The following CRACR2A variants were observed in gnomAD, a reference collection of about 807,000 sequenced individuals.
The protein encoded by CRACR2A is EF-hand calcium-binding domain-containing protein 4B.
In CRACR2A, 79 loss-of-function variants were observed where a neutral mutation model predicts 90.5. The observed-to-expected ratio is 0.87, with a 90% CI of 0.73 to 1.05. The LOEUF (loss-of-function observed/expected upper bound fraction) is 1.05, where lower values mean the gene tolerates loss of function less well. Among genes scored for constraint, CRACR2A ranks in the 50% least tolerant of loss-of-function variants. The pLI, the probability that CRACR2A is intolerant of heterozygous loss-of-function variation, is 0.00. For missense variants in CRACR2A, 823 were observed against 897.2 expected (o/e 0.92, Z 1.06); for synonymous variants, 338 against 356.7 (o/e 0.95, Z 0.59).
At chr12:3,644,537 C>T (rs1944651277) in intron 12 of CRACR2A, 58 bp downstream of exon 12, 2 of 1,514,266 alleles carry the variant, frequency 1.3e-6, no homozygotes, top group Non-Finnish European at 1.8e-6. Context: ...ATGGATCTGG[C>T]TGTCCAGTGG....
chr12:3,624,693 C>T (rs1944222403), intron 17 of CRACR2A, among the ~76,000 whole-genome samples: 1 of 152,196 alleles, frequency 6.6e-6, no homozygotes, highest in Non-Finnish European at 1.5e-5. Context: ...GGGTCACAGG[C>T]ATCTTCGGAA....
chr12:3,648,395 A>G lies in CRACR2A; in HGVS notation c.1118+147T>C, dbSNP rs915506692. On this transcript the variant is annotated intron_variant, in intron 11 of 19. Coordinates refer to ENST00000440314, the MANE Select transcript of CRACR2A (RefSeq NM_001144958.2). Reference sequence around the variant, plus strand: ...AGAGTGGCTACTTGGTGGTCCAAACACTGCACTGGGGACCAAGGGAATTGA... The same window carrying G: ...AGAGTGGCTACTTGGTGGTCCAAACGCTGCACTGGGGACCAAGGGAATTGA... The G allele has an allele frequency of 3.2e-6, 5 of 1,552,164 alleles. No homozygotes were observed. The Admixed American group carries it at 9.1e-5, about 28-fold the overall frequency.
chr12:3,660,016 A>T (rs1299420196), intron 7 of CRACR2A, among the ~76,000 whole-genome samples: 1 of 152,086 alleles, frequency 6.6e-6, no homozygotes, highest in Non-Finnish European at 1.5e-5. Flanking sequence ...TGCCAGACGT[A>T]TCATCCCTGT....
At chr12:3,714,011 A>G (rs1946045886) in intron 2 of CRACR2A, among the ~76,000 whole-genome samples, 1 of 152,162 alleles carries the variant, frequency 6.6e-6, no homozygotes, top group South Asian at 2.1e-4. Context: ...CAAAAAGGGG[A>G]TTGGGATTAT....
At chr12:3,635,944 C>T (rs550179068) in intron 14 of CRACR2A, among the ~76,000 whole-genome samples, 1 of 152,258 alleles carries the variant, frequency 6.6e-6, no homozygotes. Flanking sequence ...TTTTATCCTA[C>T]TTTATCATAT....
At chr12:3,640,640 A>G (rs1944548727) in intron 13 of CRACR2A, 2 of 1,305,356 alleles carry the variant, frequency 1.5e-6, no homozygotes, top group Non-Finnish European at 2.0e-6. Flanking sequence ...ATCAGGCCCA[A>G]AGGTTTTACT....
At chr12:3,738,341 T>C (rs1311409967) in intron 1 of CRACR2A, among the ~76,000 whole-genome samples, 2 of 152,128 alleles carry the variant, frequency 1.3e-5, no homozygotes, top group Non-Finnish European at 2.9e-5. Context: ...TATATCCAGA[T>C]ACTGACCATA....
intron 7 of CRACR2A, 49 bp downstream of exon 7, chr12:3,673,393 GTCTC>G (rs1214253299): frequency 1.3e-6 from 2 of 1,569,982 alleles, no homozygotes; most frequent in African/African-American, 2.7e-5. Flanking sequence ...TGCACCGTGT[GTCTC>G]TCTTTTTCAC....
chr12:3,633,846 ACCGG>A lies in CRACR2A; in HGVS notation c.1603-114_1603-111del. 6.9e-7 allele frequency: 1 copy of A among 1,441,520 alleles called. No homozygotes were observed. Among genetic ancestry groups the A allele is most frequent in the South Asian group, 1.3e-5 (1 of 76,026 alleles). The allele number at this position is 1,441,520 out of a possible 1,614,324, so 89.3% of individuals were successfully genotyped here. On this transcript the variant is annotated intron_variant, in intron 14 of 19. Coordinates refer to ENST00000440314, the MANE Select transcript of CRACR2A (RefSeq NM_001144958.2). This position sits in a 1 kb window ranked among gnomAD's most constrained non-coding sequence, Gnocchi z 4.5. ...CTACAGTGGCCCTCAGGAGGTGCAG[ACCGG>A]CCTCTAGACCTGCACCAGGAGGCTG...
At chr12:3,639,195 C>T (rs1053230013) in intron 13 of CRACR2A, among the ~76,000 whole-genome samples, 4 of 152,130 alleles carry the variant, frequency 2.6e-5, no homozygotes, top group Non-Finnish European at 4.4e-5. Flanking sequence ...TCTCCATCCA[C>T]CTCTCCTTCC....
At chr12:3,734,629 ATGTGTGTG>A (rs59680765) in intron 1 of CRACR2A, among the ~76,000 whole-genome samples, 6 of 149,608 alleles carry the variant, frequency 4.0e-5, no homozygotes, top group South Asian at 2.1e-4. Context: ...AGGTGTGTGT[ATGTGTGTG>A]TGTGTGTGTG....
chr12:3,703,785 A>G (rs1446882321), intron 3 of CRACR2A, among the ~76,000 whole-genome samples: 1 of 152,238 alleles, frequency 6.6e-6, no homozygotes, highest in African/African-American at 2.4e-5. Flanking sequence ...GCACTTCACC[A>G]AACAAGATAT....
At chr12:3,710,791 CAA>C (rs902683230) in intron 3 of CRACR2A, among the ~76,000 whole-genome samples, 52 of 115,680 alleles carry the variant, frequency 4.5e-4, no homozygotes, top group Non-Finnish European at 4.4e-4. Context: ...GGCTCCACCG[CAA>C]AAAAAAAAAA....
chr12:3,719,878 G>A (rs1259472999), intron 2 of CRACR2A, among the ~76,000 whole-genome samples: 1 of 152,036 alleles, frequency 6.6e-6, no homozygotes, highest in African/African-American at 2.4e-5. Context: ...AGCACTTTGG[G>A]AGGCTGAGGC....
intron 7 of CRACR2A, among the ~76,000 whole-genome samples, chr12:3,670,216 G>A (rs144532868): frequency 1.3e-5 from 2 of 152,316 alleles, no homozygotes; most frequent in Admixed American, 6.5e-5. Flanking sequence ...ACATGCAGCA[G>A]TCGTGACTTG....
At chr12:3,712,789 C>A (rs1408869291) in intron 3 of CRACR2A, among the ~76,000 whole-genome samples, 1 of 152,288 alleles carries the variant, frequency 6.6e-6, no homozygotes, top group Non-Finnish European at 1.5e-5. Context: ...TAAACACACC[C>A]TCCTCATTGC....
intron 15 of CRACR2A, among the ~76,000 whole-genome samples, chr12:3,629,412 G>T (rs1260652026): frequency 6.6e-6 from 1 of 152,242 alleles, no homozygotes; most frequent in African/African-American, 2.4e-5. Context: ...TTCCTGGCTA[G>T]AAGTGGAGGG....
At chr12:3,637,719 T>C (rs1438403314) in intron 14 of CRACR2A, among the ~76,000 whole-genome samples, 5 of 152,122 alleles carry the variant, frequency 3.3e-5, no homozygotes, top group Non-Finnish European at 7.4e-5. Context: ...TTAGATTGTA[T>C]GACCCGACCC....
intron 3 of CRACR2A, among the ~76,000 whole-genome samples, chr12:3,698,290 C>G (rs911062431): frequency 5.3e-5 from 8 of 152,082 alleles, no homozygotes; most frequent in Admixed American, 2.6e-4. Flanking sequence ...CATTTTGTGG[C>G]GAGCTGGAGA....
Sources: gnomAD v4.1 joint callset for allele counts (sites outside exome capture counted in the v4.1 genomes callset) on GRCh38, gnomAD v4.1.1 for gene constraint, Gnocchi (gnomAD v3.1) non-coding constraint, MANE v1.5 for transcripts, NCBI Gene and HGNC (gene_info 2026-07-23, HGNC 2026-07-21) for gene names.